Variants in GC observed in about 807,000 individuals in gnomAD.
GC encodes the protein vitamin D-binding protein.
A neutral mutation model predicts 56.7 loss-of-function variants in GC; 43 were observed. The ratio of observed to expected loss-of-function variants is 0.76; its 90% confidence interval spans 0.59 to 0.98. The LOEUF is 0.98. GC is among the 50% of genes least tolerant of loss of function. The pLI, the probability that GC is intolerant of heterozygous loss-of-function variation, is 0.00. For missense variants in GC, 529 were observed against 545.9 expected, an observed-to-expected ratio of 0.97 and a Z score of 0.31; for synonymous variants, 216 against 202.7, an observed-to-expected ratio of 1.07 and a Z score of -0.56.
rs560347158 is a variant in GC, at chr4:71,760,401, CA to C, written c.702-2231del. ...ACGGAAGCTTATTATGCATTGCTGG[CA>C]AGAAGTTCTTTGATTATCATTAGAG... is the stretch of plus-strand genomic sequence containing the variant. On this transcript the variant is annotated intron_variant, in intron 6 of 12. Transcript: ENST00000273951. Among the ~76,000 whole-genome samples the C allele has an allele frequency of 2.6e-5, 4 of 151,594 alleles. No homozygotes were observed. The South Asian group carries it at 8.3e-4, about 32-fold the overall frequency.
At chr4:71,744,888 T>G (rs1741311009) in intron 12 of GC, among the ~76,000 whole-genome samples, 1 of 152,182 alleles carries the variant, frequency 6.6e-6, no homozygotes, top group African/African-American at 2.4e-5. Flanking sequence ...TCTAGAATAT[T>G]TACACTTCAA....
chr4:71,788,752 G>A (rs1742903168), upstream of GC, among the ~76,000 whole-genome samples: 1 of 151,780 alleles, frequency 6.6e-6, no homozygotes, highest in Non-Finnish European at 1.5e-5. Flanking sequence ...TTAAAAAATA[G>A]TGCAGGAACA....
chr4:71,792,255 T>C (rs1184063248), intron 1 of GC, among the ~76,000 whole-genome samples: 1 of 152,198 alleles, frequency 6.6e-6, no homozygotes, highest in South Asian at 2.1e-4. Context: ...TTTTCCACAA[T>C]GGTTGAACTA....
chr4:71,754,296 C>G (rs1371194073), intron 10 of GC, 115 bp downstream of exon 10: 5 of 618,186 alleles, frequency 8.1e-6, no homozygotes, highest in Non-Finnish European at 1.1e-5. Flanking sequence ...ATTGAACCTC[C>G]TTTTGTTGTT....
At chr4:71,763,134 T>C (rs1030296514) in intron 6 of GC, among the ~76,000 whole-genome samples, 1 of 152,210 alleles carries the variant, frequency 6.6e-6, no homozygotes, top group African/African-American at 2.4e-5. Flanking sequence ...TATGCTAATA[T>C]GAACACTGAA....
At chr4:71,743,103 G>A (rs997786174) in intron 12 of GC, among the ~76,000 whole-genome samples, 2 of 152,190 alleles carry the variant, frequency 1.3e-5, no homozygotes, top group African/African-American at 4.8e-5. Flanking sequence ...TAACTGTCAA[G>A]ATGAGAACTG....
intron 3 of GC, among the ~76,000 whole-genome samples, chr4:71,767,414 G>A (rs941373484): frequency 2.0e-5 from 3 of 151,982 alleles, no homozygotes; most frequent in Non-Finnish European, 2.9e-5. Flanking sequence ...AAGTGCTATA[G>A]GGGAGAAACC....
intron 1 of GC, among the ~76,000 whole-genome samples, chr4:71,772,635 CT>C (rs1309193860): frequency 6.6e-6 from 1 of 152,044 alleles, no homozygotes; most frequent in Admixed American, 6.6e-5. Flanking sequence ...AGAATGCAAA[CT>C]GATGAGAGAA....
At chr4:71,788,008 A>G (rs532699761), upstream of GC, among the ~76,000 whole-genome samples, 6 of 151,982 alleles carry the variant, frequency 3.9e-5, no homozygotes, top group African/African-American at 1.2e-4. Flanking sequence ...TTGCTCTCCC[A>G]CAGTGCTCCT....
intron 1 of GC, among the ~76,000 whole-genome samples, chr4:71,801,219 T>C (rs1578328544): frequency 6.6e-6 from 1 of 152,318 alleles, no homozygotes; most frequent in East Asian, 1.9e-4. Flanking sequence ...AATAGGCACA[T>C]GGAGGAGTCT....
intron 12 of GC, among the ~76,000 whole-genome samples, chr4:71,744,681 T>C (rs1741303264): frequency 6.6e-6 from 1 of 152,160 alleles, no homozygotes; most frequent in African/African-American, 2.4e-5. Flanking sequence ...AAAGTTATCA[T>C]ATAGCTTTCC....
intron 1 of GC, among the ~76,000 whole-genome samples, chr4:71,794,831 G>A (rs2365083): frequency 0.69 from 105,292 of 152,066 alleles, 38,967 homozygotes; most frequent in South Asian, 0.83. Flanking sequence ...TGCTTTAAAT[G>A]TGTCTCAGAG....
chr4:71,805,014 G>T (rs1257757901), upstream of GC, among the ~76,000 whole-genome samples: 1 of 152,034 alleles, frequency 6.6e-6, no homozygotes, highest in Non-Finnish European at 1.5e-5. Context: ...CAGCCCTAAG[G>T]CCCATAATGT....
intron 1 of GC, among the ~76,000 whole-genome samples, chr4:71,802,824 T>A (rs1743282871): frequency 6.6e-6 from 1 of 152,138 alleles, no homozygotes; most frequent in Non-Finnish European, 1.5e-5. Context: ...AATAACCCCA[T>A]CAAAAATTGA....
chr4:71,750,159 C>T (rs1741499305), intron 11 of GC, among the ~76,000 whole-genome samples: 1 of 152,164 alleles, frequency 6.6e-6, no homozygotes. Context: ...TAAAAAGTCA[C>T]TTCAAGTATA....
intron 1 of GC, among the ~76,000 whole-genome samples, chr4:71,779,000 C>A (rs1038059905): frequency 6.6e-6 from 1 of 150,962 alleles, no homozygotes; most frequent in Admixed American, 6.6e-5. Context: ...TACACACACA[C>A]AAAAACACAC....
At chr4:71,743,692 G>T (rs973651704) in intron 12 of GC, among the ~76,000 whole-genome samples, 3 of 152,174 alleles carry the variant, frequency 2.0e-5, no homozygotes, top group Admixed American at 6.5e-5. Flanking sequence ...AAGTACCTCA[G>T]ACCTATAACT....
rs541265416 is a variant in GC at position 71,757,969 on chromosome 4, A to G, written c.831+73T>C. Reference sequence around the variant, plus strand: ...TAATGCATATGAAATAGAACTTAGAAGAGTACCTGCCACTCAGTACTTGGC... The same window carrying G: ...TAATGCATATGAAATAGAACTTAGAGGAGTACCTGCCACTCAGTACTTGGC... On this transcript the variant is annotated intron_variant, in intron 7 of 12. Coordinates refer to ENST00000273951, the MANE Select transcript of GC (RefSeq NM_000583.4). The G allele has an allele frequency of 6.1e-5, 78 of 1,270,236 alleles. 1 individual carries two copies. The South Asian group carries it at 1.0e-3, about 17-fold the overall frequency. 78.7% of individuals were successfully genotyped at this position (1,270,236 alleles called of 1,614,324 possible). A position where few individuals can be genotyped will look rare whatever the true frequency, so the allele number is the denominator to read the frequency against.
At chr4:71,796,080 G>T (rs1052900104) in intron 1 of GC, among the ~76,000 whole-genome samples, 3 of 152,176 alleles carry the variant, frequency 2.0e-5, no homozygotes, top group Non-Finnish European at 4.4e-5. Flanking sequence ...CTCTCTGGCT[G>T]CCCTTAACAC....
Sources: gnomAD v4.1 joint callset for allele counts (sites outside exome capture counted in the v4.1 genomes callset) on GRCh38, gnomAD v4.1.1 for gene constraint, MANE v1.5 for transcripts, NCBI Gene and HGNC (gene_info 2026-07-23, HGNC 2026-07-21) for gene names.